PRKN: variants seen among roughly 807,000 people sequenced by gnomAD.
PRKN encodes the protein parkin RBR E3 ubiquitin protein ligase, also known as E3 ubiquitin-protein ligase parkin.
A neutral mutation model predicts 59.5 loss-of-function variants in PRKN; 56 were observed. The ratio of observed to expected loss-of-function variants is 0.94; its 90% confidence interval spans 0.76 to 1.18. PRKN has a LOEUF of 1.18. Ranked by LOEUF, PRKN falls within the 50% of genes most tolerant of loss-of-function variation. The probability of loss-of-function intolerance (pLI) is 0.00; values close to 1 mark genes in which losing one functional copy is unlikely to be tolerated. For synonymous variants in PRKN, 250 were observed against 222.1 expected (o/e 1.13, Z -1.12); for missense variants, 657 against 596.4 (o/e 1.10, Z -1.06).
Position 162,304,091 on chromosome 6 carries a change from A to AAG in PRKN, c.172-41327_172-41326insCT, listed in dbSNP as rs1471838395. 1.4e-5 allele frequency among the ~76,000 whole-genome samples: 2 copies of AAG among 138,398 alleles called. 1 individual carries two copies. The highest frequency in any genetic ancestry group is 5.4e-5 in the African/African-American group (2 of 37,210). The allele number at this position is 138,398 out of a possible 152,430, so 90.8% of individuals were successfully genotyped here. On this transcript the variant is annotated intron_variant, in intron 2 of 11. Transcript: ENST00000366898. Reference sequence around the variant, plus strand: ...ATTACCTCTGTGAAGGGAGAAAAAAAAAGAAATAGAAGTAATCCAAGTGAT... The same window carrying AAG: ...ATTACCTCTGTGAAGGGAGAAAAAAAAGAAGAAATAGAAGTAATCCAAGTGAT...
intron 6 of PRKN, among the ~76,000 whole-genome samples, chr6:161,916,859 C>T (rs1444732933): frequency 3.9e-5 from 6 of 152,064 alleles, no homozygotes; most frequent in Admixed American, 6.5e-5. Context: ...AATGCAGTGG[C>T]GCGACCTCGG....
chr6:162,553,757 G>A (rs1234110510), intron 1 of PRKN, among the ~76,000 whole-genome samples: 1 of 136,054 alleles, frequency 7.4e-6, no homozygotes, highest in Non-Finnish European at 1.5e-5. Context: ...AGACGAGATT[G>A]CATCACTGTA....
intron 11 of PRKN, among the ~76,000 whole-genome samples, chr6:161,351,684 T>C (rs1241245594): frequency 6.6e-6 from 1 of 152,152 alleles, no homozygotes; most frequent in South Asian, 2.1e-4. Context: ...TTAATTAAGA[T>C]GAGAGGGATA....
chr6:161,876,530 C>A (rs1174953205), intron 6 of PRKN, among the ~76,000 whole-genome samples: 1 of 152,092 alleles, frequency 6.6e-6, no homozygotes, highest in Admixed American at 6.5e-5. Flanking sequence ...CCAGGCTGGT[C>A]TCAAACTCCT....
intron 9 of PRKN, among the ~76,000 whole-genome samples, chr6:161,441,249 G>A (rs1307984217): frequency 3.9e-5 from 6 of 152,202 alleles, no homozygotes; most frequent in Middle Eastern, 3.2e-3. Context: ...CTGCTCGAGC[G>A]TGAAGAGAAG....
intron 7 of PRKN, among the ~76,000 whole-genome samples, chr6:161,627,020 A>C (rs931524211): frequency 6.6e-6 from 1 of 152,102 alleles, no homozygotes; most frequent in Non-Finnish European, 1.5e-5. Context: ...CTTCAGCCAA[A>C]TTTTCTTTAG....
At chr6:161,574,189 T>A (rs1433607446) in intron 7 of PRKN, among the ~76,000 whole-genome samples, 13 of 151,952 alleles carry the variant, frequency 8.6e-5, no homozygotes, top group Non-Finnish European at 1.2e-4. Flanking sequence ...GTGTGGGAAA[T>A]GGCCAGATAT....
chr6:162,219,624 A>AG (rs1264406807), intron 3 of PRKN, among the ~76,000 whole-genome samples: 1 of 152,070 alleles, frequency 6.6e-6, no homozygotes, highest in Non-Finnish European at 1.5e-5. Flanking sequence ...GAAAAAAAAA[A>AG]AAACATACTT....
intron 1 of PRKN, among the ~76,000 whole-genome samples, chr6:162,670,252 T>A (rs188792059): frequency 6.6e-6 from 1 of 152,304 alleles, no homozygotes; most frequent in African/African-American, 2.4e-5. Flanking sequence ...TTTTTGTAAC[T>A]AGCTCTAAGA....
rs139701142 is a variant in PRKN at position 161,416,374 on chromosome 6, G to A, written c.1084-29497C>T. On this transcript the variant is annotated intron_variant, in intron 9 of 11. Transcript: ENST00000366898. ...GGAGAGCGCACACACTGGGGGGCAG[G>A]AACTTTGTTTCTTTTGAGCACTGAC... Among the ~76,000 whole-genome samples, 44 of 152,232 alleles carry A rather than the reference G, an allele frequency of 2.9e-4. 1 individual carries two copies. In the East Asian group the frequency reaches 8.3e-3, roughly 29 times the overall value.
chr6:162,679,234 G>A (rs1779678523), intron 1 of PRKN, among the ~76,000 whole-genome samples: 1 of 151,634 alleles, frequency 6.6e-6, no homozygotes, highest in African/African-American at 2.4e-5. Flanking sequence ...CGAGCAGCTG[G>A]GATTACAGGC....
chr6:162,536,463 C>CT (rs1237146545), intron 1 of PRKN, among the ~76,000 whole-genome samples: 4 of 152,066 alleles, frequency 2.6e-5, no homozygotes, highest in African/African-American at 4.8e-5. Context: ...AGGTCACCTG[C>CT]TTTAAAAAAA....
At chr6:162,432,564 A>C (rs944244888) in intron 2 of PRKN, among the ~76,000 whole-genome samples, 1 of 152,154 alleles carries the variant, frequency 6.6e-6, no homozygotes, top group African/African-American at 2.4e-5. Context: ...CCGACCTTTA[A>C]AATAAATACA....
chr6:161,845,504 A>G (rs954561764), intron 6 of PRKN, among the ~76,000 whole-genome samples: 1 of 152,200 alleles, frequency 6.6e-6, no homozygotes, highest in African/African-American at 2.4e-5. Flanking sequence ...CACGTGCCAC[A>G]AGATTTTAAA....
intron 4 of PRKN, among the ~76,000 whole-genome samples, chr6:162,177,988 C>T (rs1296117051): frequency 6.6e-6 from 1 of 152,188 alleles, no homozygotes; most frequent in Non-Finnish European, 1.5e-5. Flanking sequence ...AGCTCTGAAA[C>T]ACCATTAACC....
At chr6:161,964,953 GAATT>G (rs1780521016) in intron 6 of PRKN, among the ~76,000 whole-genome samples, 1 of 152,050 alleles carries the variant, frequency 6.6e-6, no homozygotes, top group Non-Finnish European at 1.5e-5. Context: ...GCTATAGCCA[GAATT>G]AATATGTGAA....
intron 4 of PRKN, among the ~76,000 whole-genome samples, chr6:162,167,552 C>T (rs1054077897): frequency 6.6e-6 from 1 of 151,128 alleles, no homozygotes; most frequent in Admixed American, 6.6e-5. Context: ...TTCCACGAAA[C>T]AGTCAGTAAC....
chr6:162,570,202 A>G (rs1780261227), intron 1 of PRKN, among the ~76,000 whole-genome samples: 1 of 152,224 alleles, frequency 6.6e-6, no homozygotes. Context: ...GCATATGAAA[A>G]GGTGGTCAAC....
intron 1 of PRKN, among the ~76,000 whole-genome samples, chr6:162,557,655 G>A (rs1187716685): frequency 6.6e-6 from 1 of 151,988 alleles, no homozygotes; most frequent in African/African-American, 2.4e-5. Context: ...ATTATCAGGC[G>A]CCCGCCATCA....
Sources: gnomAD v4.1 joint callset for allele counts (sites outside exome capture counted in the v4.1 genomes callset) on GRCh38, gnomAD v4.1.1 for gene constraint, MANE v1.5 for transcripts, NCBI Gene and HGNC (gene_info 2026-07-23, HGNC 2026-07-21) for gene names.